ABCD2: variants seen among roughly 807,000 people sequenced by gnomAD.
ABCD2 encodes the protein ATP-binding cassette sub-family D member 2.
In ABCD2, 36 loss-of-function variants were observed where a neutral mutation model predicts 70.9. The observed-to-expected ratio is 0.51, with a 90% confidence interval of 0.39 to 0.67. ABCD2 has a LOEUF of 0.67. ABCD2 is among the 30% of genes least tolerant of loss of function. ABCD2 has a pLI of 0.00. For missense variants in ABCD2, 729 were observed against 890.2 expected (o/e 0.82, Z 2.30); for synonymous variants, 304 against 306.9 (o/e 0.99, Z 0.10).
At chr12:39,608,295 T>C (rs777158822) in intron 2 of ABCD2, among the ~76,000 whole-genome samples, 34 of 152,118 alleles carry the variant, frequency 2.2e-4, no homozygotes, top group Non-Finnish European at 3.4e-4. Context: ...AAAATGAGAG[T>C]TGGGACAAAT....
At chr12:39,543,388 C>T in the ABCD2 span, among the ~76,000 whole-genome samples, 1 of 152,136 alleles carries the variant, frequency 6.6e-6, no homozygotes, top group Admixed American at 6.5e-5. Context: ...ATATTACCAT[C>T]TCTCTTTCAT....
intron 9 of ABCD2, among the ~76,000 whole-genome samples, chr12:39,562,579 C>A (rs924754965): frequency 3.3e-5 from 5 of 151,824 alleles, no homozygotes; most frequent in African/African-American, 4.8e-5. Context: ...AATTGATTAA[C>A]CTAGAAGAAA....
chr12:39,570,631 T>C (rs1331217948), intron 9 of ABCD2, among the ~76,000 whole-genome samples: 1 of 152,096 alleles, frequency 6.6e-6, no homozygotes, highest in African/African-American at 2.4e-5. Context: ...TTAGAATACA[T>C]AGGGCAAAAA....
chr12:39,604,674 G>A (rs1426438741), intron 4 of ABCD2, 88 bp downstream of exon 4: 1 of 1,046,770 alleles, frequency 9.6e-7, no homozygotes, highest in East Asian at 2.6e-5. Flanking sequence ...TTGGTACTTT[G>A]TAACTACTAA....
At chr12:39,576,755 G>T (rs1941522804) in intron 8 of ABCD2, among the ~76,000 whole-genome samples, 1 of 152,118 alleles carries the variant, frequency 6.6e-6, no homozygotes, top group South Asian at 2.1e-4. Flanking sequence ...ATGTCTAGAG[G>T]GGACTGGATT....
intron 1 of ABCD2, 110 bp downstream of exon 1, chr12:39,618,567 T>A (rs1942148464): frequency 1.1e-6 from 1 of 929,432 alleles, no homozygotes; most frequent in Admixed American, 2.4e-5. Flanking sequence ...CAGAGGAATC[T>A]AAGACACTAA....
chr12:39,614,505 T>C (rs1173100419), intron 2 of ABCD2, among the ~76,000 whole-genome samples: 1 of 151,940 alleles, frequency 6.6e-6, no homozygotes, highest in Admixed American at 6.6e-5. Context: ...CCCCTCTACT[T>C]CACATTTTCC....
At chr12:39,537,789 C>T in the ABCD2 span, among the ~76,000 whole-genome samples, 1 of 152,212 alleles carries the variant, frequency 6.6e-6, no homozygotes, top group African/African-American at 2.4e-5. Context: ...GTTGTCCAAC[C>T]TATTGGTAGA....
the ABCD2 span, among the ~76,000 whole-genome samples, chr12:39,532,641 C>T: frequency 5.3e-5 from 8 of 152,010 alleles, no homozygotes; most frequent in South Asian, 4.2e-4. Context: ...AGCTGTCTAT[C>T]GCAGTCTTGA....
At chr12:39,593,618 A>T (rs768953170) in intron 6 of ABCD2, among the ~76,000 whole-genome samples, 1 of 152,168 alleles carries the variant, frequency 6.6e-6, no homozygotes, top group South Asian at 2.1e-4. Context: ...TGCACAGGGC[A>T]GTTGTGCCAA....
At chr12:39,581,098 A>C (rs1260422006) in intron 7 of ABCD2, among the ~76,000 whole-genome samples, 1 of 152,176 alleles carries the variant, frequency 6.6e-6, no homozygotes, top group Admixed American at 6.5e-5. Flanking sequence ...TACAAAGTAC[A>C]TTGCATTAAA....
intron 7 of ABCD2, 115 bp downstream of exon 7, chr12:39,586,037 T>G (rs11172692): frequency 4.4e-6 from 4 of 918,826 alleles, no homozygotes; most frequent in Non-Finnish European, 6.3e-6. Context: ...TTTACACTTA[T>G]GTGCTTATTT....
chr12:39,534,749 A>AAGG, the ABCD2 span, among the ~76,000 whole-genome samples: 3 of 101,064 alleles, frequency 3.0e-5, no homozygotes, highest in African/African-American at 1.1e-4. Flanking sequence ...GGAAGGAAGG[A>AAGG]AAGAAAGAAA....
intron 6 of ABCD2, among the ~76,000 whole-genome samples, chr12:39,590,756 A>G (rs1445827890): frequency 6.9e-6 from 1 of 145,560 alleles, no homozygotes; most frequent in African/African-American, 2.5e-5. Flanking sequence ...TCTGACAGTG[A>G]TTTTTTTTTT....
chr12:39,544,240 G>A, the ABCD2 span, among the ~76,000 whole-genome samples: 3 of 152,098 alleles, frequency 2.0e-5, no homozygotes, highest in Non-Finnish European at 4.4e-5. Context: ...GGGGCCACGA[G>A]ATCAGATGAG....
intron 6 of ABCD2, among the ~76,000 whole-genome samples, chr12:39,589,271 T>G (rs1355984562): frequency 6.6e-6 from 1 of 152,036 alleles, no homozygotes; most frequent in African/African-American, 2.4e-5. Context: ...TTTTATAATA[T>G]ATTTAATTAT....
At position 39,551,048 on chromosome 12, in the gene ABCD2, A is replaced by G. The variant is rs190080892; in HGVS notation, c.*2864T>C. On this transcript the variant is annotated 3_prime_UTR_variant, in exon 10 of 10. Coordinates refer to ENST00000308666, the MANE Select transcript of ABCD2 (RefSeq NM_005164.4). ...TTTCTATCAAGAGAAAACCATTCCC[A>G]CTGTAAACAAATGTAAATTTGAGTT... 3 of 151,782 alleles carry G rather than the reference A, an allele frequency of 2.0e-5. No homozygotes were observed. The highest frequency in any genetic ancestry group is 2.1e-4 in the South Asian group (1 of 4,826). 9.4% of individuals were successfully genotyped at this position (151,782 alleles called of 1,614,324 possible).
downstream of ABCD2, among the ~76,000 whole-genome samples, chr12:39,548,849 A>T (rs959261144): frequency 6.6e-6 from 1 of 151,930 alleles, no homozygotes; most frequent in African/African-American, 2.4e-5. Context: ...TAAATCACAT[A>T]AAAACTCATA....
chr12:39,592,662 A>T (rs566666773), intron 6 of ABCD2, among the ~76,000 whole-genome samples: 1 of 152,214 alleles, frequency 6.6e-6, no homozygotes, highest in Non-Finnish European at 1.5e-5. Flanking sequence ...CACAGTACAT[A>T]GGTATAGAGT....
Sources: allele counts gnomAD v4.1 joint callset (sites outside exome capture counted in the v4.1 genomes callset), GRCh38; gene constraint gnomAD v4.1.1; transcripts MANE v1.5; gene names NCBI Gene and HGNC (gene_info 2026-07-23, HGNC 2026-07-21).